BDP1: variants seen among roughly 807,000 people sequenced by gnomAD.
BDP1 encodes transcription factor TFIIIB component B'' homolog.
Under a neutral mutation model 266.6 loss-of-function variants are expected in BDP1, and 169 were observed. That is an observed-to-expected ratio of 0.63 (90% CI 0.56 to 0.72). The LOEUF (loss-of-function observed/expected upper bound fraction) is 0.72, where lower values mean the gene tolerates loss of function less well. BDP1 is among the 30% of genes least tolerant of loss of function. The pLI is 0.00. For missense variants in BDP1, 3,015 were observed against 3,053.8 expected (o/e 0.99, Z 0.30); for synonymous variants, 1,090 against 1,022.4 (o/e 1.07, Z -1.26).
At chr5:71,481,391 GAAAAAAAAA>G in intron 7 of BDP1, among the ~76,000 whole-genome samples, 1 of 63,860 alleles carries the variant, frequency 1.6e-5, no homozygotes, top group South Asian at 7.9e-4. Context: ...TCTCTACAAA[GAAAAAAAAA>G]AAAAAAAAAA....
intron 25 of BDP1, among the ~76,000 whole-genome samples, chr5:71,525,022 C>CCAT (rs1218858514): frequency 6.6e-6 from 1 of 151,954 alleles, no homozygotes; most frequent in Non-Finnish European, 1.5e-5. Context: ...GAAAAGTCTC[C>CCAT]CATGTCTACC....
At chr5:71,465,587 G>A (rs1404734899) in intron 4 of BDP1, among the ~76,000 whole-genome samples, 1 of 152,134 alleles carries the variant, frequency 6.6e-6, no homozygotes, top group Non-Finnish European at 1.5e-5. Flanking sequence ...TTAAAAGAGA[G>A]TAAAGACTGC....
At position 71,472,876 on chromosome 5, in the gene BDP1, T is replaced by C. The variant is rs544133135; in HGVS notation, c.1014+2387T>C. On this transcript the variant is annotated intron_variant, in intron 7 of 38. Coordinates refer to ENST00000358731, the MANE Select transcript of BDP1 (RefSeq NM_018429.3). ...TACTCTTTCATTGATAATTTGTATT[T>C]TCTCTCTCTCTCTTTTTTTTTTTTT... Among the ~76,000 whole-genome samples the C allele has an allele frequency of 1.4e-3, 158 of 116,488 alleles. 1 individual carries two copies. The highest frequency in any genetic ancestry group is 5.4e-3 in the Middle Eastern group (1 of 184). 76.4% of individuals were successfully genotyped at this position (116,488 alleles called of 152,430 possible).
At chr5:71,489,704 A>G in intron 10 of BDP1, 22 bp downstream of exon 10, 2 of 1,577,436 alleles carry the variant, frequency 1.3e-6, no homozygotes, top group East Asian at 2.2e-5. Flanking sequence ...ACATATTTAA[A>G]AAGCCTCTAT....
At chr5:71,542,415 C>T in intron 30 of BDP1, 150 bp downstream of exon 30, 2 of 746,478 alleles carry the variant, frequency 2.7e-6, no homozygotes, top group Non-Finnish European at 4.3e-6. Context: ...AAATAAATAC[C>T]CATAAATCTA....
At position 71,532,358 on chromosome 5, in the gene BDP1, A is replaced by G. The variant is rs759156019; in HGVS notation, c.5823A>G (p.Glu1941=). 16 of 1,613,508 alleles carry G rather than the reference A, an allele frequency of 9.9e-6. No homozygotes were observed. The South Asian group carries it at 1.6e-4, about 17-fold the overall frequency. ...ATGTAGGATGCATAGCTGTTGTTGA[A>G]CATGAGCTACCAAACACAGATGTGA... ...VPDVGCIAVV[E]HELPNTDVTT... is the part of the protein sequence containing the mutation. The change falls in exon 26 of 39, where the codon GAA becomes GAG. Residue 1941 remains glutamate (E), a synonymous_variant. Transcript: ENST00000358731.
At position 71,458,796 on chromosome 5, in the gene BDP1, C is replaced by A; in HGVS notation, c.430C>A (p.Arg144=). ...KEKQPCSDRY[R]IYKAQKLREM... is the part of the protein sequence containing the mutation. ...GAAACAGCCATGCTCAGACAGATAC[C>A]GAATATACAAAGCCCAGAAACTGAG... is the stretch of plus-strand genomic sequence containing the variant. The change falls in exon 2 of 39, where the codon CGA becomes AGA. Residue 144 remains arginine (R), a synonymous_variant. Coordinates refer to ENST00000358731, the MANE Select transcript of BDP1 (RefSeq NM_018429.3). 1 of 1,613,802 alleles carries A rather than the reference C, an allele frequency of 6.2e-7. No homozygotes were observed. The highest frequency in any genetic ancestry group is 8.5e-7 in the Non-Finnish European group (1 of 1,179,920).
intron 6 of BDP1, 35 bp downstream of exon 6, chr5:71,467,522 C>G (rs1385484689): frequency 2.7e-6 from 4 of 1,508,580 alleles, no homozygotes; most frequent in East Asian, 4.5e-5. Context: ...TGTAAGTTCT[C>G]TATTTGAAAT....
intron 29 of BDP1, 85 bp from the exon 30 acceptor site, chr5:71,542,020 A>T: frequency 9.1e-7 from 1 of 1,095,786 alleles, no homozygotes; most frequent in African/African-American, 1.6e-5. Flanking sequence ...CAGGTCATTC[A>T]CTCTATCAGT....
chr5:71,479,774 C>T (rs918322431), intron 7 of BDP1, among the ~76,000 whole-genome samples: 4 of 151,978 alleles, frequency 2.6e-5, no homozygotes, highest in Non-Finnish European at 5.9e-5. Flanking sequence ...TCTCGATCTC[C>T]TGACCTCGTG....
chr5:71,516,136 A>C lies in BDP1; in HGVS notation c.4725A>C (p.Arg1575=), dbSNP rs772639146. ...AAACTGCTCGACAAGTAAGGGGCCG[A>C]CTTCAGAGACCGAGACCAAATATAA... ...VIQTARQVRG[R]LQRPRPNIRK... The change falls in exon 21 of 39, where the codon CGA becomes CGC. Residue 1575 remains arginine, a synonymous_variant. Transcript: ENST00000358731. 1.9e-6 allele frequency: 3 copies of C among 1,613,144 alleles called. No individual in the cohort carries two copies. Among genetic ancestry groups the C allele is most frequent in the Non-Finnish European group, 2.5e-6 (3 of 1,179,444 alleles).
intron 7 of BDP1, among the ~76,000 whole-genome samples, chr5:71,483,209 T>G (rs540351583): frequency 1.3e-5 from 2 of 152,306 alleles, no homozygotes; most frequent in African/African-American, 4.8e-5. Context: ...CTACGATGTG[T>G]TTGCGTGATC....
intron 12 of BDP1, 85 bp downstream of exon 12, chr5:71,495,493 G>T: frequency 1.2e-6 from 1 of 852,070 alleles, no homozygotes; most frequent in South Asian, 2.4e-5. Flanking sequence ...TTAGGGATTC[G>T]AGGGGATTAT....
Position 71,556,784 on chromosome 5 carries a change from G to A in BDP1, c.7201-102G>A, listed in dbSNP as rs467620. ...TAGAATTCCTCTAAGAGCTTTTTGGGAGATAACATAGTTTCTTTACTTAAA... is the reference window on the plus strand; with the variant it reads ...TAGAATTCCTCTAAGAGCTTTTTGGAAGATAACATAGTTTCTTTACTTAAA... On this transcript the variant is annotated intron_variant, in intron 35 of 38. Transcript: ENST00000358731. 242,638 of 550,030 alleles carry A rather than the reference G, an allele frequency of 0.44. 54,563 individuals carry two copies. The highest frequency in any genetic ancestry group is 0.48 in the South Asian group (17,496 of 36,804). The allele number at this position is 550,030 out of a possible 1,614,324, so 34.1% of individuals were successfully genotyped here.
chr5:71,533,116 A>C lies in BDP1; in HGVS notation c.5892+689A>C, dbSNP rs369343280. On this transcript the variant is annotated intron_variant, in intron 26 of 38. Transcript: ENST00000358731. ...TTGCAGCATGTAGTGGTACTTCCTT[A>C]CTTTTTGTAGCCTAATAATATTCCA... 2.0e-4 allele frequency among the ~76,000 whole-genome samples: 30 copies of C among 152,172 alleles called. No individual in the cohort carries two copies. The East Asian group carries it at 3.1e-3, about 16-fold the overall frequency.
At chr5:71,501,803 CATT>C in intron 14 of BDP1, 150 bp downstream of exon 14, 1 of 598,236 alleles carries the variant, frequency 1.7e-6, no homozygotes, top group Non-Finnish European at 3.0e-6. Flanking sequence ...GGTTTTGAAA[CATT>C]CATAATACTC....
chr5:71,501,813 A>ATT (rs1764256484), intron 14 of BDP1, among the ~76,000 whole-genome samples, 160 bp downstream of exon 14: 1 of 151,974 alleles, frequency 6.6e-6, no homozygotes, highest in Admixed American at 6.6e-5. Flanking sequence ...CATTCATAAT[A>ATT]CTCTCTCTGC....
chr5:71,476,467 G>A (rs1762592081), intron 7 of BDP1, among the ~76,000 whole-genome samples: 1 of 152,152 alleles, frequency 6.6e-6, no homozygotes, highest in South Asian at 2.1e-4. Context: ...CACCAACCAC[G>A]AAGCTCCTGA....
intron 38 of BDP1, among the ~76,000 whole-genome samples, chr5:71,563,771 G>A (rs539931185): frequency 6.6e-6 from 1 of 152,262 alleles, no homozygotes; most frequent in South Asian, 2.1e-4. Context: ...ATTTAATCAG[G>A]CACGGTGGTG....
Sources: allele counts gnomAD v4.1 joint callset (sites outside exome capture counted in the v4.1 genomes callset), GRCh38; gene constraint gnomAD v4.1.1; transcripts MANE v1.5; gene names NCBI Gene and HGNC (gene_info 2026-07-23, HGNC 2026-07-21).